Variants in DCC observed in about 807,000 individuals in gnomAD.
DCC encodes the protein netrin receptor DCC.
Under a neutral mutation model 172.5 loss-of-function variants are expected in DCC, and 58 were observed. The observed-to-expected ratio is 0.34, with a 90% CI of 0.27 to 0.42. DCC has a LOEUF of 0.42. Ranked by LOEUF, DCC falls within the 10% of genes least tolerant of loss-of-function variation. DCC has a pLI of 1.00. For missense variants in DCC, 1,740 were observed against 1,791.0 expected (o/e 0.97, Z 0.51); for synonymous variants, 709 against 644.5 (o/e 1.10, Z -1.52).
At chr18:52,423,439 C>T (rs1013465927) in intron 1 of DCC, among the ~76,000 whole-genome samples, 16 of 152,012 alleles carry the variant, frequency 1.1e-4, no homozygotes, top group African/African-American at 3.4e-4. Flanking sequence ...TTCCTATCCT[C>T]GGGAGGTGAC....
chr18:53,185,719 C>CAAGTCAGAAATGAACACAG (rs1454024310), intron 9 of DCC, among the ~76,000 whole-genome samples: 3 of 152,114 alleles, frequency 2.0e-5, no homozygotes, highest in Non-Finnish European at 4.4e-5. Context: ...GATACAAATG[C>CAAGTCAGAAATGAACACAG]AAGTCAGAAA....
At chr18:52,665,722 A>G (rs894362343) in intron 1 of DCC, among the ~76,000 whole-genome samples, 1 of 152,252 alleles carries the variant, frequency 6.6e-6, no homozygotes, top group African/African-American at 2.4e-5. Context: ...AATCAACCAC[A>G]TATAAGGAAG....
intron 1 of DCC, among the ~76,000 whole-genome samples, chr18:52,667,699 C>T (rs921054395): frequency 6.6e-6 from 1 of 152,196 alleles, no homozygotes; most frequent in Non-Finnish European, 1.5e-5. Flanking sequence ...AGGGTCCAGG[C>T]TTACCAACTG....
chr18:53,170,829 C>T (rs2055002953), intron 8 of DCC, among the ~76,000 whole-genome samples: 1 of 152,196 alleles, frequency 6.6e-6, no homozygotes, highest in Admixed American at 6.6e-5. Context: ...TTACCTCAGT[C>T]CTGAACTACT....
chr18:52,653,351 T>C (rs1254611420), intron 1 of DCC, among the ~76,000 whole-genome samples: 1 of 152,160 alleles, frequency 6.6e-6, no homozygotes, highest in Non-Finnish European at 1.5e-5. Flanking sequence ...TATGACCAGG[T>C]GATATGTGAT....
intron 5 of DCC, among the ~76,000 whole-genome samples, chr18:52,935,951 T>C (rs929326990): frequency 2.6e-5 from 4 of 152,122 alleles, no homozygotes; most frequent in African/African-American, 7.2e-5. Context: ...CTCAGTCATA[T>C]ACATTTAATG....
chr18:53,229,957 C>A (rs1313683117), intron 12 of DCC, among the ~76,000 whole-genome samples: 1 of 152,088 alleles, frequency 6.6e-6, no homozygotes, highest in Non-Finnish European at 1.5e-5. Flanking sequence ...TAACAATAGA[C>A]TAGATCCAAA....
intron 5 of DCC, among the ~76,000 whole-genome samples, chr18:52,963,532 G>A (rs1463947923): frequency 6.6e-6 from 1 of 152,130 alleles, no homozygotes; most frequent in Admixed American, 6.6e-5. Flanking sequence ...GTCTGAAGTG[G>A]TCAGGTCTGG....
rs532726020 is a variant in DCC, at chr18:52,669,184, G to A, written c.92-82870G>A. Among the ~76,000 whole-genome samples the A allele has an allele frequency of 2.6e-5, 4 of 152,260 alleles. No homozygotes were observed. The South Asian group carries it at 8.3e-4, about 32-fold the overall frequency. On this transcript the variant is annotated intron_variant, in intron 1 of 28. Transcript: ENST00000442544. ...TCTTGTGCTGAGTCTGTTCCTGGGT[G>A]GGGGCCGCAAGATTAGATGAGCCAG...
intron 7 of DCC, among the ~76,000 whole-genome samples, chr18:53,154,603 C>A (rs2054698481): frequency 6.6e-6 from 1 of 152,060 alleles, no homozygotes; most frequent in Non-Finnish European, 1.5e-5. Context: ...GTGGTAATTC[C>A]AGTTAGAGAG....
chr18:53,253,005 C>T (rs2056457795), intron 12 of DCC, among the ~76,000 whole-genome samples: 1 of 151,834 alleles, frequency 6.6e-6, no homozygotes, highest in African/African-American at 2.4e-5. Context: ...TTTCCTGACT[C>T]CTGATAAATT....
intron 24 of DCC, among the ~76,000 whole-genome samples, chr18:53,465,282 C>A (rs1226732189): frequency 2.7e-5 from 4 of 148,830 alleles, no homozygotes; most frequent in Non-Finnish European, 5.9e-5. Flanking sequence ...GAGACAAATT[C>A]TCTTCATTTT....
intron 15 of DCC, among the ~76,000 whole-genome samples, chr18:53,385,127 G>A (rs1908069664): frequency 6.8e-6 from 1 of 146,554 alleles, no homozygotes; most frequent in Admixed American, 6.9e-5. Context: ...TGTTTTTCCT[G>A]TTCTTTCAGA....
At chr18:52,497,302 T>TACAC (rs2030820501) in intron 1 of DCC, among the ~76,000 whole-genome samples, 1 of 83,278 alleles carries the variant, frequency 1.2e-5, no homozygotes, top group Non-Finnish European at 2.6e-5. Flanking sequence ...TATATATATA[T>TACAC]ATATATATAT....
At chr18:52,449,962 G>A (rs1027038301) in intron 1 of DCC, among the ~76,000 whole-genome samples, 1 of 151,998 alleles carries the variant, frequency 6.6e-6, no homozygotes, top group Non-Finnish European at 1.5e-5. Context: ...ACCCAGTCTT[G>A]GGTATGTCTT....
intron 27 of DCC, among the ~76,000 whole-genome samples, chr18:53,522,797 A>G (rs772695837): frequency 2.0e-5 from 3 of 152,204 alleles, no homozygotes; most frequent in Non-Finnish European, 4.4e-5. Flanking sequence ...TGTAAGACCT[A>G]AAACCATACA....
intron 1 of DCC, among the ~76,000 whole-genome samples, chr18:52,431,671 G>A (rs1239605130): frequency 6.6e-6 from 1 of 152,188 alleles, no homozygotes; most frequent in Non-Finnish European, 1.5e-5. Flanking sequence ...CCTGCAACAA[G>A]TACAGTGAAG....
chr18:52,998,886 C>T (rs369381132), intron 5 of DCC, among the ~76,000 whole-genome samples: 9 of 151,882 alleles, frequency 5.9e-5, no homozygotes, highest in South Asian at 2.1e-4. Flanking sequence ...GCAATTAAAT[C>T]GTTGTCAGGA....
chr18:53,151,002 C>G (rs1264216474), intron 7 of DCC, among the ~76,000 whole-genome samples: 1 of 152,154 alleles, frequency 6.6e-6, no homozygotes, highest in Non-Finnish European at 1.5e-5. Flanking sequence ...CCTGGAGGGT[C>G]AAGCCAAGCT....
Sources: gnomAD v4.1 joint callset for allele counts (sites outside exome capture counted in the v4.1 genomes callset) on GRCh38, gnomAD v4.1.1 for gene constraint, MANE v1.5 for transcripts, NCBI Gene and HGNC (gene_info 2026-07-23, HGNC 2026-07-21) for gene names.